Variants in RAB44 observed in about 807,000 individuals in gnomAD.
RAB44 encodes ras-related protein Rab-44.
A neutral mutation model predicts 93.3 loss-of-function variants in RAB44; 67 were observed. That is an observed-to-expected ratio of 0.72 (90% CI 0.59 to 0.88). The LOEUF is 0.88. Ranked by LOEUF, RAB44 falls within the 40% of genes least tolerant of loss-of-function variation. The probability of loss-of-function intolerance (pLI) is 0.00; values close to 1 mark genes in which losing one functional copy is unlikely to be tolerated. For missense variants in RAB44, 1,064 were observed against 1,261.7 expected, an observed-to-expected ratio of 0.84 and a Z score of 2.37; for synonymous variants, 427 against 520.3, an observed-to-expected ratio of 0.82 and a Z score of 2.44.
chr6:36,703,339 A>G (rs1276615867), intron 1 of RAB44, among the ~76,000 whole-genome samples: 1 of 152,218 alleles, frequency 6.6e-6, no homozygotes, highest in East Asian at 1.9e-4. Flanking sequence ...ACTTTGGGGA[A>G]CACATTCAAA....
rs1249472226 is a variant in RAB44, at chr6:36,717,986, G to A, written c.642-42G>A. 1 of 1,186,128 alleles carries A rather than the reference G, an allele frequency of 8.4e-7. No individual in the cohort carries two copies. The highest frequency in any genetic ancestry group is 1.1e-6 in the Non-Finnish European group (1 of 945,942). 73.5% of individuals were successfully genotyped at this position (1,186,128 alleles called of 1,614,324 possible). A position where few individuals can be genotyped will look rare whatever the true frequency, so the allele number is the denominator to read the frequency against. ...CCCCTGCCAGCAGCAGGCTCCCAGA[G>A]GTGCTGATGGGCTGCCTGGCCCCAA... is the stretch of plus-strand genomic sequence containing the variant. On this transcript the variant is annotated intron_variant, in intron 5 of 13. Transcript: ENST00000612677. The surrounding 1 kb of genome is among the most constrained non-coding windows in gnomAD (Gnocchi z 4.1).
In RAB44 at chr6:36,722,376, A is replaced by AG; in HGVS notation, c.2248dup (p.Ala750GlyfsTer21). 1 of 1,369,596 alleles carries AG rather than the reference A, an allele frequency of 7.3e-7. No homozygotes were observed. The highest frequency in any genetic ancestry group is 9.4e-7 in the Non-Finnish European group (1 of 1,063,202). 84.8% of individuals were successfully genotyped at this position (1,369,596 alleles called of 1,614,324 possible). A position where few individuals can be genotyped will look rare whatever the true frequency, so the allele number is the denominator to read the frequency against. On this transcript the variant is annotated frameshift_variant, in exon 9 of 14. Coordinates refer to ENST00000612677, the MANE Select transcript of RAB44 (RefSeq NM_001257357.2). LOFTEE classifies it high-confidence loss of function. ...GGCACCTCCAAGGGGCTCTCCTCCC[A>AG]GGGGGGCTCAGCCTGGGGCTGGAGC...
At position 36,721,259 on chromosome 6, in the gene RAB44, C is replaced by T. The variant is rs1030623998; in HGVS notation, c.1125C>T (p.Ser375=). The change falls in exon 9 of 14, where the codon AGC becomes AGT. Residue 375 remains serine, a synonymous_variant. Transcript: ENST00000612677. ...ACGATGACTGGGACCAGCTACTGAGCAACTTTGGCAGCCCTCCGCACGGAG... is the reference window on the plus strand; with the variant it reads ...ACGATGACTGGGACCAGCTACTGAGTAACTTTGGCAGCCCTCCGCACGGAG... ...GDNDDWDQLL[S]NFGSPPHGAL... 3.2e-6 allele frequency: 4 copies of T among 1,234,148 alleles called. No homozygotes were observed. Among genetic ancestry groups the T allele is most frequent in the Admixed American group, 8.4e-5 (2 of 23,672 alleles). The allele number at this position is 1,234,148 out of a possible 1,614,324, so 76.4% of individuals were successfully genotyped here. A position where few individuals can be genotyped will look rare whatever the true frequency, so the allele number is the denominator to read the frequency against.
chr6:36,725,691 A>G, intron 9 of RAB44, 171 bp from the exon 10 acceptor site: 1 of 592,696 alleles, frequency 1.7e-6, no homozygotes, highest in Non-Finnish European at 3.2e-6. Context: ...GGCTTCTTGG[A>G]GGAAGTGGGT....
At chr6:36,701,006 G>C (rs1339975211) in intron 1 of RAB44, among the ~76,000 whole-genome samples, 1 of 152,212 alleles carries the variant, frequency 6.6e-6, no homozygotes, top group East Asian at 1.9e-4. Context: ...TTAGGGGTGA[G>C]AGATACCGCG....
intron 9 of RAB44, among the ~76,000 whole-genome samples, chr6:36,724,063 C>T (rs1020269502): frequency 6.6e-6 from 1 of 151,862 alleles, no homozygotes; most frequent in East Asian, 1.9e-4. Context: ...GCAGTTCCCT[C>T]GGGAAGAGGA....
intron 2 of RAB44, among the ~76,000 whole-genome samples, chr6:36,711,064 T>C (rs1762775558): frequency 6.6e-6 from 1 of 152,210 alleles, no homozygotes; most frequent in Non-Finnish European, 1.5e-5. Context: ...CAGTATTAAA[T>C]TTGTTTTAGA....
In RAB44 at chr6:36,732,338, G is replaced by C; in HGVS notation, c.*245G>C. ...GGTATGGCAAAACTCTCCAAACAAA[G>C]AAAGTCTAGAAAAACGACTTAAGGA... On this transcript the variant is annotated 3_prime_UTR_variant, in exon 14 of 14. Transcript: ENST00000612677. 2.3e-5 allele frequency: 5 copies of C among 221,458 alleles called. No homozygotes were observed. Among genetic ancestry groups the C allele is most frequent in the Non-Finnish European group, 2.6e-5 (3 of 114,834 alleles). 13.7% of individuals were successfully genotyped at this position (221,458 alleles called of 1,614,324 possible). A position where few individuals can be genotyped will look rare whatever the true frequency, so the allele number is the denominator to read the frequency against.
At position 36,722,277 on chromosome 6, in the gene RAB44, TC is replaced by T; in HGVS notation, c.2144del (p.Ser715PhefsTer99). On this transcript the variant is annotated frameshift_variant, in exon 9 of 14. Transcript: ENST00000612677. LOFTEE classifies it high-confidence loss of function. The stretch of plus-strand genomic sequence containing the variant: ...GCATTCGGAACTCCCCCAGCAAGAC[TC>T]TCTGCTTGTTTCTCTCCCATCTGCC... ...TAHSELPQQD[S>X]LLVSLPSATP... 1 of 1,293,602 alleles carries T rather than the reference TC, an allele frequency of 7.7e-7. No individual in the cohort carries two copies. The highest frequency in any genetic ancestry group is 9.8e-7 in the Non-Finnish European group (1 of 1,022,612). 80.1% of individuals were successfully genotyped at this position (1,293,602 alleles called of 1,614,324 possible).
chr6:36,713,121 A>C (rs1257003012), intron 2 of RAB44, among the ~76,000 whole-genome samples: 1 of 152,250 alleles, frequency 6.6e-6, no homozygotes, highest in Non-Finnish European at 1.5e-5. Context: ...TATAATTTTC[A>C]AAAAGGTAAA....
chr6:36,705,859 T>C (rs1762637920), intron 2 of RAB44, among the ~76,000 whole-genome samples: 2 of 152,078 alleles, frequency 1.3e-5, no homozygotes, highest in South Asian at 4.2e-4. Context: ...GTCTGGACGC[T>C]TTCATACAGA....
rs1763368908 is a variant in RAB44 at position 36,731,739 on chromosome 6, C to G, written c.2976-264C>G. Among the ~76,000 whole-genome samples, 1 of 152,160 alleles carries G rather than the reference C, an allele frequency of 6.6e-6. No individual in the cohort carries two copies. The highest frequency in any genetic ancestry group is 1.5e-5 in the Non-Finnish European group (1 of 68,020). On this transcript the variant is annotated intron_variant, in intron 13 of 13. Coordinates refer to ENST00000612677, the MANE Select transcript of RAB44 (RefSeq NM_001257357.2). This position sits in a 1 kb window ranked among gnomAD's most constrained non-coding sequence, Gnocchi z 4.0. Reference sequence around the variant, plus strand: ...TGCAGTCACCCCTTTTCCTGTCTGTCTCTCTCACTACTCAAGGGAGGGAAT... The same window carrying G: ...TGCAGTCACCCCTTTTCCTGTCTGTGTCTCTCACTACTCAAGGGAGGGAAT...
intron 2 of RAB44, among the ~76,000 whole-genome samples, chr6:36,709,759 G>C (rs1466942766): frequency 2.0e-5 from 3 of 152,102 alleles, no homozygotes; most frequent in Non-Finnish European, 4.4e-5. Context: ...GTTTCACCAT[G>C]TTGGCCAAGC....
At chr6:36,710,117 G>A (rs1762744903) in intron 2 of RAB44, among the ~76,000 whole-genome samples, 1 of 152,154 alleles carries the variant, frequency 6.6e-6, no homozygotes, top group Non-Finnish European at 1.5e-5. Context: ...CATTCACGAT[G>A]TTGTACCACC....
intron 2 of RAB44, among the ~76,000 whole-genome samples, chr6:36,712,526 G>A (rs1424307476): frequency 2.6e-5 from 4 of 151,898 alleles, no homozygotes; most frequent in Non-Finnish European, 4.4e-5. Context: ...CACAATGCCC[G>A]GCTAGTTTTT....
At chr6:36,720,684 C>A in intron 8 of RAB44, 134 bp downstream of exon 8, 2 of 695,062 alleles carry the variant, frequency 2.9e-6, no homozygotes, top group Admixed American at 4.3e-5. Context: ...CCACCCTCTG[C>A]CAAGCTGGAA....
chr6:36,710,130 T>C (rs1285028265), intron 2 of RAB44, among the ~76,000 whole-genome samples: 1 of 152,202 alleles, frequency 6.6e-6, no homozygotes, highest in African/African-American at 2.4e-5. Context: ...GTACCACCAT[T>C]TCCCCAGCCA....
At chr6:36,700,725 C>T (rs999819209) in intron 1 of RAB44, among the ~76,000 whole-genome samples, 1 of 152,152 alleles carries the variant, frequency 6.6e-6, no homozygotes, top group African/African-American at 2.4e-5. Flanking sequence ...GGCCACCACG[C>T]CCAGCTTATT....
Position 36,722,468 on chromosome 6 carries a change from CCTCACGACTG to C in RAB44, c.2341_2350del (p.Thr781GlnfsTer30), listed in dbSNP as rs1308943189. On this transcript the variant is annotated frameshift_variant, in exon 9 of 14. Coordinates refer to ENST00000612677, the MANE Select transcript of RAB44 (RefSeq NM_001257357.2). LOFTEE classifies it high-confidence loss of function. Reference sequence around the variant, plus strand: ...AGCAGGAAGCCCAACCCAGGCCATCCCTCACGACTGCTCACGCAGAAGAACAAGGCCCGCC... The same window carrying C: ...AGCAGGAAGCCCAACCCAGGCCATCCCTCACGCAGAAGAACAAGGCCCGCC... 7 of 1,465,784 alleles carry C rather than the reference CCTCACGACTG, an allele frequency of 4.8e-6. No homozygotes were observed. The South Asian group carries it at 9.9e-5, about 21-fold the overall frequency. The allele number at this position is 1,465,784 out of a possible 1,614,324, so 90.8% of individuals were successfully genotyped here. A position where few individuals can be genotyped will look rare whatever the true frequency, so the allele number is the denominator to read the frequency against.
Sources: gnomAD v4.1 joint callset for allele counts (sites outside exome capture counted in the v4.1 genomes callset) on GRCh38, gnomAD v4.1.1 for gene constraint, Gnocchi (gnomAD v3.1) non-coding constraint, MANE v1.5 for transcripts, NCBI Gene and HGNC (gene_info 2026-07-23, HGNC 2026-07-21) for gene names.